The following MARK1 variants were observed in gnomAD, a reference collection of about 807,000 sequenced individuals.
The protein encoded by MARK1 is serine/threonine-protein kinase MARK1.
In MARK1, 40 loss-of-function variants were observed where a neutral mutation model predicts 96.3. The ratio of observed to expected loss-of-function variants is 0.42; its 90% CI spans 0.32 to 0.54. The LOEUF (loss-of-function observed/expected upper bound fraction) is 0.54. MARK1 is among the 20% of genes least tolerant of loss of function. The pLI is 0.16. For missense variants in MARK1, 719 were observed against 984.6 expected, an observed-to-expected ratio of 0.73 and a Z score of 3.61; for synonymous variants, 317 against 341.2, an observed-to-expected ratio of 0.93 and a Z score of 0.78.
chr1:220,585,682 G>C (rs1465034923), intron 3 of MARK1, among the ~76,000 whole-genome samples: 5 of 152,104 alleles, frequency 3.3e-5, no homozygotes, highest in African/African-American at 7.2e-5. Flanking sequence ...TTCACGTTTT[G>C]AGTTTAGTAA....
At position 220,599,835 on chromosome 1, in the gene MARK1, CT is replaced by C. The variant is rs761724731; in HGVS notation, c.397del (p.Tyr133IlefsTer2). 1 of 1,608,674 alleles carries C rather than the reference CT, an allele frequency of 6.2e-7. No individual in the cohort carries two copies. Among genetic ancestry groups the C allele is most frequent in the Non-Finnish European group, 8.5e-7 (1 of 1,176,988 alleles). ...AAGTTATTGAAACAGAGAAGACTCT[CT>C]ATTTAGTCATGGAATACGCGAGTGG... ...FEVIETEKTL[Y>X]LVMEYASGGE... On this transcript the variant is annotated frameshift_variant, in exon 5 of 18. Transcript: ENST00000366917. LOFTEE classifies it high-confidence loss of function.
At chr1:220,599,899 G>A in intron 5 of MARK1, 36 bp downstream of exon 5, 1 of 1,409,914 alleles carries the variant, frequency 7.1e-7, no homozygotes, top group East Asian at 2.3e-5. Context: ...TCTCTTTGCT[G>A]AGACATACAG....
Position 220,664,017 on chromosome 1 carries a change from G to A in MARK1, c.*1851G>A, listed in dbSNP as rs1269270675. 1.3e-5 allele frequency: 2 copies of A among 152,470 alleles called. No homozygotes were observed. Among genetic ancestry groups the A allele is most frequent in the Admixed American group, 6.6e-5 (1 of 15,262 alleles). 9.4% of individuals were successfully genotyped at this position (152,470 alleles called of 1,614,324 possible). ...TGTGTTCTAAATTTAGTTGGCAAAG[G>A]GTGAAGCTGTGAAGGTTTTCAAGAT... On this transcript the variant is annotated 3_prime_UTR_variant, in exon 18 of 18. Coordinates refer to ENST00000366917, the MANE Select transcript of MARK1 (RefSeq NM_018650.5).
chr1:220,631,328 G>A (rs182619824), intron 10 of MARK1, among the ~76,000 whole-genome samples, 194 bp downstream of exon 10: 1 of 151,962 alleles, frequency 6.6e-6, no homozygotes. Context: ...ATATATTATG[G>A]TCTAATTCAA....
At chr1:220,636,658 A>T (rs1011432670) in intron 13 of MARK1, among the ~76,000 whole-genome samples, 1 of 152,084 alleles carries the variant, frequency 6.6e-6, no homozygotes, top group Admixed American at 6.5e-5. Context: ...GACAAATAGA[A>T]GCCAGAAAGA....
rs1226900355 is a variant in MARK1, at chr1:220,528,647, C to T, written c.-176C>T. ...GGAAGCGGCTCCCCCTCCTCTTCCT[C>T]CGCGTCCTCTTCCCTCTTTCCCCCG... On this transcript the variant is annotated 5_prime_UTR_variant, in exon 1 of 18. Transcript: ENST00000366917. 1.1e-5 allele frequency: 6 copies of T among 522,994 alleles called. No individual in the cohort carries two copies. Among genetic ancestry groups the T allele is most frequent in the East Asian group, 3.6e-5 (1 of 27,956 alleles). The allele number at this position is 522,994 out of a possible 1,614,324, so 32.4% of individuals were successfully genotyped here. A position where few individuals can be genotyped will look rare whatever the true frequency, so the allele number is the denominator to read the frequency against.
At position 220,538,597 on chromosome 1, in the gene MARK1, A is replaced by G. The variant is rs1340162734; in HGVS notation, c.51+9724A>G. Among the ~76,000 whole-genome samples the G allele has an allele frequency of 3.3e-5, 5 of 151,054 alleles. No individual in the cohort carries two copies. The East Asian group carries it at 9.7e-4, about 29-fold the overall frequency. ...ATGAACTTTAAAGTAGTTTTTTCCA[A>G]TTCTGTGAAGAAAGTCATTGGTAGC... On this transcript the variant is annotated intron_variant, in intron 1 of 17. Transcript: ENST00000366917.
intron 4 of MARK1, 91 bp downstream of exon 4, chr1:220,598,470 G>C (rs1469985527): frequency 4.9e-6 from 1 of 202,888 alleles, no homozygotes; most frequent in Non-Finnish European, 1.0e-5. Context: ...AAGACACAAT[G>C]TTTAAGGATA....
chr1:220,637,486 C>A (rs1263649078), intron 13 of MARK1, among the ~76,000 whole-genome samples: 5 of 151,936 alleles, frequency 3.3e-5, no homozygotes, highest in African/African-American at 9.7e-5. Flanking sequence ...TTGAGACCAG[C>A]CTGGCTAACA....
chr1:220,565,498 A>T (rs1662982679), intron 1 of MARK1, among the ~76,000 whole-genome samples: 1 of 151,556 alleles, frequency 6.6e-6, no homozygotes, highest in Non-Finnish European at 1.5e-5. Flanking sequence ...GTGTACTTGT[A>T]TATGCACTGT....
intron 1 of MARK1, among the ~76,000 whole-genome samples, chr1:220,551,426 T>C (rs1661845968): frequency 6.6e-6 from 1 of 152,204 alleles, no homozygotes; most frequent in Non-Finnish European, 1.5e-5. Context: ...AGTTAACACA[T>C]TGGAAGTCAT....
intron 1 of MARK1, among the ~76,000 whole-genome samples, chr1:220,563,094 T>C (rs2102783417): frequency 6.6e-6 from 1 of 152,270 alleles, no homozygotes; most frequent in East Asian, 1.9e-4. Context: ...CTACAAAATG[T>C]GGTTCTTAGT....
rs1472337081 is a variant in MARK1, at chr1:220,663,158, TCTC to T, written c.*995_*997del. On this transcript the variant is annotated 3_prime_UTR_variant, in exon 18 of 18. Coordinates refer to ENST00000366917, the MANE Select transcript of MARK1 (RefSeq NM_018650.5). ...CTGGCATTGGGAACATTTGCCTCAT[TCTC>T]CTGCTATCCTCTTCATTCACCCCTG... is the stretch of plus-strand genomic sequence containing the variant. 1 of 152,580 alleles carries T rather than the reference TCTC, an allele frequency of 6.6e-6. No homozygotes were observed. The highest frequency in any genetic ancestry group is 1.5e-5 in the Non-Finnish European group (1 of 68,022). The allele number at this position is 152,580 out of a possible 1,614,324, so 9.5% of individuals were successfully genotyped here. A position where few individuals can be genotyped will look rare whatever the true frequency, so the allele number is the denominator to read the frequency against.
At chr1:220,621,682 T>TA (rs1253303527) in intron 9 of MARK1, among the ~76,000 whole-genome samples, 2 of 151,762 alleles carry the variant, frequency 1.3e-5, no homozygotes, top group African/African-American at 2.4e-5. Flanking sequence ...TTTCCACATT[T>TA]AAAAAAAATG....
intron 3 of MARK1, among the ~76,000 whole-genome samples, chr1:220,592,177 C>T (rs534140692): frequency 9.4e-4 from 141 of 150,308 alleles, no homozygotes; most frequent in African/African-American, 3.2e-3. Context: ...CTAACCAATG[C>T]AATAGGGAAA....
At chr1:220,627,463 C>G (rs1667413743) in intron 9 of MARK1, 1 of 441,142 alleles carries the variant, frequency 2.3e-6, no homozygotes, top group Admixed American at 2.9e-5. Context: ...ACCTCTCCAG[C>G]TCTGGCTTCT....
chr1:220,647,128 T>C lies in MARK1; in HGVS notation c.1471-3492T>C, dbSNP rs527316775. Among the ~76,000 whole-genome samples the C allele has an allele frequency of 7.9e-5, 12 of 152,134 alleles. No homozygotes were observed. The East Asian group carries it at 1.5e-3, about 20-fold the overall frequency. On this transcript the variant is annotated intron_variant, in intron 13 of 17. Transcript: ENST00000366917. ...CAGAGTGAACAGACAGTCTACAGAATGGAAGAAAATTTTTGCAATCTATCC... is the reference window on the plus strand; with the variant it reads ...CAGAGTGAACAGACAGTCTACAGAACGGAAGAAAATTTTTGCAATCTATCC...
At chr1:220,656,409 G>A (rs1051930759) in intron 16 of MARK1, among the ~76,000 whole-genome samples, 2 of 152,186 alleles carry the variant, frequency 1.3e-5, no homozygotes, top group African/African-American at 4.8e-5. Context: ...TGTGGTATAG[G>A]TGTTTGCTAA....
chr1:220,659,286 GA>G (rs925392834), intron 17 of MARK1, among the ~76,000 whole-genome samples: 18 of 150,948 alleles, frequency 1.2e-4, no homozygotes, highest in Admixed American at 2.6e-4. Context: ...TTTTACAGAT[GA>G]AAAAAAACAG....
Sources: gnomAD v4.1 joint callset for allele counts (sites outside exome capture counted in the v4.1 genomes callset) on GRCh38, gnomAD v4.1.1 for gene constraint, MANE v1.5 for transcripts, NCBI Gene and HGNC (gene_info 2026-07-23, HGNC 2026-07-21) for gene names.